Variants in CAST observed in about 807,000 individuals in gnomAD.
The protein encoded by CAST is MIR583 host.
In CAST, 76 loss-of-function variants were observed where a neutral mutation model predicts 119.6. That is an observed-to-expected ratio of 0.64 (90% CI 0.53 to 0.77). The LOEUF (loss-of-function observed/expected upper bound fraction) is 0.77. CAST is among the 30% of genes least tolerant of loss of function. The probability of loss-of-function intolerance (pLI) is 0.00; values close to 1 mark genes in which losing one functional copy is unlikely to be tolerated. For missense variants in CAST, 953 were observed against 946.5 expected (o/e 1.01, Z -0.09); for synonymous variants, 319 against 331.6 (o/e 0.96, Z 0.41).
At chr5:96,446,395 T>G in the CAST span, among the ~76,000 whole-genome samples, 4 of 152,184 alleles carry the variant, frequency 2.6e-5, no homozygotes, top group African/African-American at 9.7e-5. Context: ...TCTGTAATTT[T>G]GGGGCTTTTT....
chr5:96,228,869 A>G, the CAST span, among the ~76,000 whole-genome samples: 3 of 152,202 alleles, frequency 2.0e-5, no homozygotes, highest in Non-Finnish European at 2.9e-5. Flanking sequence ...AAAGAGTAAT[A>G]ATAAAATATA....
At chr5:96,283,913 A>C in the CAST span, among the ~76,000 whole-genome samples, 1 of 152,168 alleles carries the variant, frequency 6.6e-6, no homozygotes, top group Non-Finnish European at 1.5e-5. Context: ...ATTTGCAATG[A>C]AAGAAACTTA....
At chr5:96,720,040 A>G (rs576752150) in intron 3 of CAST, among the ~76,000 whole-genome samples, 1 of 152,312 alleles carries the variant, frequency 6.6e-6, no homozygotes, top group East Asian at 1.9e-4. Context: ...ATTTCTACTA[A>G]TGCCATCTTT....
chr5:96,039,924 C>T, the CAST span, among the ~76,000 whole-genome samples: 1 of 152,030 alleles, frequency 6.6e-6, no homozygotes, highest in East Asian at 1.9e-4. Flanking sequence ...TCAGTCATAG[C>T]TTGATGGGGA....
chr5:96,620,730 G>C (rs1747587347), intron 1 of CAST, among the ~76,000 whole-genome samples: 1 of 152,188 alleles, frequency 6.6e-6, no homozygotes, highest in Admixed American at 6.5e-5. Context: ...GTGAACAAGA[G>C]AGCTACTACT....
At chr5:96,320,356 G>A in the CAST span, among the ~76,000 whole-genome samples, 1 of 147,308 alleles carries the variant, frequency 6.8e-6, no homozygotes, top group Non-Finnish European at 1.5e-5. Context: ...TCCTGCCTAA[G>A]CCTCCCGAGT....
intron 1 of CAST, among the ~76,000 whole-genome samples, chr5:96,536,328 C>T (rs1317104983): frequency 1.3e-5 from 2 of 152,078 alleles, no homozygotes; most frequent in Non-Finnish European, 2.9e-5. Flanking sequence ...CACTGTACTC[C>T]AGCCTGGGCG....
chr5:96,415,932 C>T, the CAST span: 26 of 781,454 alleles, frequency 3.3e-5, no homozygotes, highest in South Asian at 2.9e-4. Context: ...CTAATTTGTT[C>T]CTCCAGTTGT....
the CAST span, among the ~76,000 whole-genome samples, chr5:96,358,911 G>A: frequency 1.3e-5 from 2 of 152,086 alleles, no homozygotes; most frequent in Non-Finnish European, 2.9e-5. Flanking sequence ...CTGTCTCGTT[G>A]ATCTGTCTAG....
chr5:96,700,308 T>G (rs772735621), intron 3 of CAST, among the ~76,000 whole-genome samples: 2 of 152,236 alleles, frequency 1.3e-5, no homozygotes, highest in Non-Finnish European at 2.9e-5. Context: ...TCATTTATAG[T>G]GAGGCTGAAT....
chr5:96,233,731 C>T, the CAST span, among the ~76,000 whole-genome samples: 1 of 152,050 alleles, frequency 6.6e-6, no homozygotes, highest in African/African-American at 2.4e-5. Flanking sequence ...TGTTTGTCTA[C>T]CACACAGCAT....
the CAST span, among the ~76,000 whole-genome samples, chr5:96,127,154 A>G: frequency 2.0e-5 from 3 of 152,088 alleles, no homozygotes; most frequent in Admixed American, 2.0e-4. Flanking sequence ...ATATAGCTTT[A>G]TTTGCAATCA....
chr5:96,574,033 T>TCA (rs1290000900), intron 1 of CAST, among the ~76,000 whole-genome samples: 1 of 2,494 alleles, frequency 4.0e-4, no homozygotes, highest in Non-Finnish European at 5.2e-4. Flanking sequence ...TTTCTTTTTT[T>TCA]TTTTTTTTTT....
the CAST span, among the ~76,000 whole-genome samples, chr5:96,175,079 T>G: frequency 6.6e-6 from 1 of 152,200 alleles, no homozygotes; most frequent in South Asian, 2.1e-4. Context: ...CTGAAGTTTT[T>G]AAATTTAGAA....
chr5:96,061,574 C>G, the CAST span, among the ~76,000 whole-genome samples: 2 of 151,942 alleles, frequency 1.3e-5, no homozygotes, highest in Admixed American at 1.3e-4. Flanking sequence ...TGCACTATAG[C>G]CCCTCAGAGG....
the CAST span, among the ~76,000 whole-genome samples, chr5:96,175,681 A>G: frequency 6.6e-6 from 1 of 152,192 alleles, no homozygotes; most frequent in Non-Finnish European, 1.5e-5. Context: ...GCAACTATCT[A>G]TGGAACAATG....
chr5:96,692,506 G>A (rs1183692174), intron 2 of CAST, among the ~76,000 whole-genome samples: 1 of 152,150 alleles, frequency 6.6e-6, no homozygotes, highest in African/African-American at 2.4e-5. Flanking sequence ...ATACATGCCT[G>A]TACCCAGCAT....
the CAST span, among the ~76,000 whole-genome samples, chr5:96,468,269 A>G: frequency 2.0e-5 from 3 of 152,012 alleles, no homozygotes; most frequent in Non-Finnish European, 4.4e-5. Flanking sequence ...AAAATGGCAC[A>G]TGAGGTACAA....
At chr5:96,651,355 G>T (rs1466614310) in intron 1 of CAST, among the ~76,000 whole-genome samples, 1 of 152,236 alleles carries the variant, frequency 6.6e-6, no homozygotes, top group African/African-American at 2.4e-5. Context: ...GGAAGTATGT[G>T]TATGTGTGTG....
Sources: allele counts gnomAD v4.1 joint callset (sites outside exome capture counted in the v4.1 genomes callset), GRCh38; gene constraint gnomAD v4.1.1; transcripts MANE v1.5; gene names NCBI Gene and HGNC (gene_info 2026-07-23, HGNC 2026-07-21).